Variants in THOC2 observed in about 807,000 individuals in gnomAD.
THOC2 encodes THO complex 2.
Under a neutral mutation model 128.4 loss-of-function variants are expected in THOC2, and 10 were observed. The ratio of observed to expected loss-of-function variants is 0.08; its 90% CI spans 0.05 to 0.13. The LOEUF (loss-of-function observed/expected upper bound fraction) is 0.13. Among genes scored for constraint, THOC2 ranks in the 10% least tolerant of loss-of-function variants. The probability of loss-of-function intolerance (pLI) is 1.00; values close to 1 mark genes in which losing one functional copy is unlikely to be tolerated. For synonymous variants in THOC2, 393 were observed against 396.9 expected (o/e 0.99, Z 0.12); for missense variants, 535 against 1,155.7 (o/e 0.46, Z 7.79).
At chrX:123,631,621 T>C in intron 22 of THOC2, 67 bp downstream of exon 22, 2 of 1,123,379 alleles carry the variant, frequency 1.8e-6, no homozygotes. Flanking sequence ...GATATGTACT[T>C]ACAGATAAAA....
Position 123,621,460 on chromosome X carries a change from C to T in THOC2, c.3913G>A (p.Glu1305Lys). Residue 1305 changes from glutamate (E) to lysine (K), a missense_variant, in exon 31 of 39, where the codon GAA becomes AAA. By Grantham distance (56) the Glu-to-Lys change is moderately conservative (BLOSUM62 1). Coordinates refer to ENST00000245838, the MANE Select transcript of THOC2 (RefSeq NM_001081550.2). ...LGKDGKEKPK[E>K]ERPNKDEKAR... ...TTTTCATCTTTATTTGGCCGCTCTT[C>T]CTTTGGTTTTTCTTTACCATCTTTA... 8.3e-7 allele frequency: 1 copy of T among 1,211,114 alleles called. No individual in the cohort carries two copies. The highest frequency in any genetic ancestry group is 1.1e-6 in the Non-Finnish European group (1 of 895,379).
intron 35 of THOC2, 26 bp from the exon 36 acceptor site, chrX:123,613,582 A>G: frequency 8.3e-7 from 1 of 1,207,824 alleles, no homozygotes; most frequent in Non-Finnish European, 1.1e-6. Context: ...AAAATCATGA[A>G]AGCCTTTTCC....
At chrX:123,696,585 CA>C in intron 6 of THOC2, 135 bp downstream of exon 6, 1 of 608,910 alleles carries the variant, frequency 1.6e-6, no homozygotes, top group Non-Finnish European at 2.4e-6. Context: ...TTTTAGAAGG[CA>C]AAAAACACAA....
In THOC2 at chrX:123,603,790, A is replaced by C. The variant is rs149983907; in HGVS notation, c.*19-2452T>G. 2,002 of 283,650 alleles carry C rather than the reference A, an allele frequency of 7.1e-3. 9 individuals carry two copies. Among genetic ancestry groups the C allele is most frequent in the Middle Eastern group, 0.011 (19 of 1,750 alleles). 23.4% of individuals were successfully genotyped at this position (283,650 alleles called of 1,213,427 possible). On this transcript the variant is annotated intron_variant, in intron 38 of 38. Coordinates refer to ENST00000245838, the MANE Select transcript of THOC2 (RefSeq NM_001081550.2). ...GCAACCACAAGAGCAAGTGGAAAGA[A>C]GATACTGGATGTCAGTCTCTTGGCA...
chrX:123,605,571 T>A (rs749687862), intron 38 of THOC2, among the ~76,000 whole-genome samples: 11 of 111,331 alleles, frequency 9.9e-5, no homozygotes, highest in Non-Finnish European at 2.1e-4. Flanking sequence ...GCTCTTTTAA[T>A]CAGTATAGGT....
intron 6 of THOC2, 49 bp downstream of exon 6, chrX:123,696,672 A>G (rs766590595): frequency 8.7e-7 from 1 of 1,143,969 alleles, no homozygotes; most frequent in Admixed American, 2.7e-5. Flanking sequence ...ATATGAACGA[A>G]AAAACATACT....
At chrX:123,732,710 G>A (rs1021601367) in intron 1 of THOC2, among the ~76,000 whole-genome samples, 4 of 112,053 alleles carry the variant, frequency 3.6e-5, no homozygotes, top group Non-Finnish European at 7.5e-5. Flanking sequence ...CTACTAAGAG[G>A]CTAAAGGAAG....
chrX:123,666,086 T>C (rs2049038746), intron 11 of THOC2, among the ~76,000 whole-genome samples: 1 of 110,932 alleles, frequency 9.0e-6, no homozygotes, highest in Non-Finnish European at 1.9e-5. Context: ...CAGAGGAGAA[T>C]GTTCCAAATT....
At chrX:123,630,843 T>C (rs1254592096) in intron 22 of THOC2, among the ~76,000 whole-genome samples, 2 of 111,284 alleles carry the variant, frequency 1.8e-5, no homozygotes, top group Non-Finnish European at 3.8e-5. Context: ...GGAAACACCT[T>C]TTCCAGAGAG....
rs2046776122 is a variant in THOC2 at position 123,613,392 on chromosome X, A to G, written c.4677+7T>C. On this transcript the variant is annotated splice_region_variant and intron_variant, in intron 36 of 38. Transcript: ENST00000245838. ...AAGCATATTATTCCTTTATTTTCCTAATTTACCTTTTTGCCACCGGAGGAG... is the reference window on the plus strand; with the variant it reads ...AAGCATATTATTCCTTTATTTTCCTGATTTACCTTTTTGCCACCGGAGGAG... 1.7e-6 allele frequency: 2 copies of G among 1,198,049 alleles called. No individual in the cohort carries two copies. Among genetic ancestry groups the G allele is most frequent in the Non-Finnish European group, 2.3e-6 (2 of 886,715 alleles).
At chrX:123,608,230 G>A (rs1175222315) in intron 38 of THOC2, among the ~76,000 whole-genome samples, 6 of 108,577 alleles carry the variant, frequency 5.5e-5, no homozygotes, top group Non-Finnish European at 7.6e-5. Flanking sequence ...GTGAAACCCC[G>A]TCTCTACTAA....
At chrX:123,636,562 C>A (rs1402406955) in intron 18 of THOC2, among the ~76,000 whole-genome samples, 1 of 110,848 alleles carries the variant, frequency 9.0e-6, no homozygotes, top group Non-Finnish European at 1.9e-5. Flanking sequence ...GCAGATCACT[C>A]AGTAAACTTG....
intron 8 of THOC2, among the ~76,000 whole-genome samples, chrX:123,674,653 T>C (rs1231273563): frequency 8.9e-6 from 1 of 111,841 alleles, no homozygotes; most frequent in East Asian, 2.8e-4. Context: ...CTGCCTTTTT[T>C]GTTTGATTTT....
intron 1 of THOC2, among the ~76,000 whole-genome samples, chrX:123,723,430 A>G (rs2051796406): frequency 9.0e-6 from 1 of 111,587 alleles, no homozygotes; most frequent in African/African-American, 3.3e-5. Context: ...CACCTAGTAT[A>G]TACTCCACAA....
intron 7 of THOC2, among the ~76,000 whole-genome samples, chrX:123,694,629 A>G (rs1238828365): frequency 5.5e-5 from 6 of 109,934 alleles, no homozygotes; most frequent in African/African-American, 2.0e-4. Context: ...AGAAAAAAAA[A>G]AGAGAAAGAA....
chrX:123,689,211 T>C (rs1185898248), intron 7 of THOC2, among the ~76,000 whole-genome samples: 1 of 112,197 alleles, frequency 8.9e-6, no homozygotes, highest in Non-Finnish European at 1.9e-5. Context: ...ACCTTTACTA[T>C]CAACTACCCA....
Position 123,630,350 on chromosome X carries a change from T to G in THOC2, c.2481+1338A>C, listed in dbSNP as rs767401304. Among the ~76,000 whole-genome samples the G allele has an allele frequency of 3.6e-5, 4 of 111,457 alleles. No individual in the cohort carries two copies. The South Asian group carries it at 1.5e-3, about 42-fold the overall frequency. On this transcript the variant is annotated intron_variant, in intron 22 of 38. Transcript: ENST00000245838. ...TGAGCAGGCCAGGCACAGTGGCTCA[T>G]GCCTATAATGCCAGCACTTTGGGAG...
chrX:123,680,388 C>T (rs1191065858), intron 8 of THOC2, among the ~76,000 whole-genome samples: 1 of 110,783 alleles, frequency 9.0e-6, no homozygotes, highest in Non-Finnish European at 1.9e-5. Flanking sequence ...TACCTGCTGA[C>T]CTTCTCTCCA....
rs1486770017 is a variant in THOC2, at chrX:123,624,537, A to C, written c.3186+4T>G. 3 of 1,204,866 alleles carry C rather than the reference A, an allele frequency of 2.5e-6. No individual in the cohort carries two copies. Among genetic ancestry groups the C allele is most frequent in the Non-Finnish European group, 1.1e-6 (1 of 892,617 alleles). ...TAAAATATAAGGGTTTTTATTAGTCATACCTTTTCATATGTGGCTCTATCA... is the reference window on the plus strand; with the variant it reads ...TAAAATATAAGGGTTTTTATTAGTCCTACCTTTTCATATGTGGCTCTATCA... On this transcript the variant is annotated splice_donor_region_variant and intron_variant, in intron 26 of 38. Transcript: ENST00000245838.
Sources: allele counts gnomAD v4.1 joint callset (sites outside exome capture counted in the v4.1 genomes callset), GRCh38; gene constraint gnomAD v4.1.1; transcripts MANE v1.5; gene names NCBI Gene and HGNC (gene_info 2026-07-23, HGNC 2026-07-21).